Variants in ZBED6 observed in about 807,000 individuals in gnomAD.
ZBED6 encodes the protein zinc finger BED domain-containing protein 6.
A neutral mutation model predicts 58.4 loss-of-function variants in ZBED6; 40 were observed. That is an observed-to-expected ratio of 0.68 (90% CI 0.53 to 0.89). The LOEUF (loss-of-function observed/expected upper bound fraction) is 0.89, where lower values mean the gene tolerates loss of function less well. ZBED6 is among the 40% of genes least tolerant of loss of function. The pLI, the probability that ZBED6 is intolerant of heterozygous loss-of-function variation, is 0.00. For missense variants in ZBED6, 1,057 were observed against 1,003.9 expected (o/e 1.05, Z -0.71); for synonymous variants, 439 against 350.6 (o/e 1.25, Z -2.82).
chr1:203,829,013 G>A (rs17482792), intron 4 of ZBED6, among the ~76,000 whole-genome samples: 16,976 of 152,206 alleles, frequency 0.11, 1,180 homozygotes, highest in Non-Finnish European at 0.15. Flanking sequence ...CAGTTGCTAC[G>A]TGATTAAAAT....
chr1:203,833,757 TA>T, intron 8 of ZBED6, 33 bp from the exon 9 acceptor site: 1 of 1,591,492 alleles, frequency 6.3e-7, no homozygotes, highest in African/African-American at 1.4e-5. Context: ...AAAAATTGAC[TA>T]AGGATAGAGA....
chr1:203,840,640 T>TTTATTTA (rs1558136097), intron 11 of ZBED6, among the ~76,000 whole-genome samples: 13 of 141,216 alleles, frequency 9.2e-5, no homozygotes, highest in African/African-American at 2.1e-4. Flanking sequence ...TTATTTATTT[T>TTTATTTA]ATTTATTTTT....
intron 9 of ZBED6, among the ~76,000 whole-genome samples, chr1:203,834,678 C>T (rs766113869): frequency 9.8e-5 from 15 of 152,314 alleles, no homozygotes; most frequent in South Asian, 2.1e-4. Context: ...AAACGAGAGT[C>T]TTGCTCTGTC....
chr1:203,817,624 A>G (rs1173404911), intron 2 of ZBED6, among the ~76,000 whole-genome samples: 1 of 152,010 alleles, frequency 6.6e-6, no homozygotes, highest in Non-Finnish European at 1.5e-5. Context: ...ATCTTTGTCA[A>G]AACTTCTGTT....
intron 11 of ZBED6, among the ~76,000 whole-genome samples, chr1:203,845,389 A>G (rs1687613107): frequency 6.6e-6 from 1 of 152,212 alleles, no homozygotes; most frequent in African/African-American, 2.4e-5. Flanking sequence ...TTTATTAAAG[A>G]ACTTGAAGAA....
intron 11 of ZBED6, among the ~76,000 whole-genome samples, chr1:203,846,854 A>G (rs1336907262): frequency 2.0e-5 from 3 of 152,040 alleles, no homozygotes; most frequent in East Asian, 3.9e-4. Context: ...AATAGAAACA[A>G]TTAGCCGGGC....
chr1:203,840,428 C>T (rs1685740051), intron 11 of ZBED6, 54 bp downstream of exon 11: 1 of 1,551,046 alleles, frequency 6.4e-7, no homozygotes, highest in Admixed American at 1.9e-5. Flanking sequence ...CTGTAAGAGC[C>T]TTTGCTTTTT....
chr1:203,838,535 A>T (rs1685083217), intron 10 of ZBED6, among the ~76,000 whole-genome samples: 1 of 152,254 alleles, frequency 6.6e-6, no homozygotes, highest in South Asian at 2.1e-4. Flanking sequence ...GGTATGCTCA[A>T]GGAACTGCAT....
At chr1:203,821,851 T>G (rs1254771741) in intron 3 of ZBED6, among the ~76,000 whole-genome samples, 2 of 152,154 alleles carry the variant, frequency 1.3e-5, no homozygotes, top group South Asian at 2.1e-4. Context: ...TCCGCCTCAT[T>G]GGTTCACACC....
intron 3 of ZBED6, among the ~76,000 whole-genome samples, chr1:203,821,894 A>G (rs2102882158): frequency 6.6e-6 from 1 of 151,774 alleles, no homozygotes. Context: ...AGTAGCTGGG[A>G]TTACAGGTGC....
chr1:203,818,461 CCTTT>C, intron 2 of ZBED6, 105 bp from the exon 3 acceptor site: 5 of 1,432,528 alleles, frequency 3.5e-6, no homozygotes, highest in Non-Finnish European at 4.8e-6. Context: ...CCTTACCAGT[CCTTT>C]CTTACTCATT....
At chr1:203,844,574 A>G (rs1301471919) in intron 11 of ZBED6, among the ~76,000 whole-genome samples, 1 of 152,080 alleles carries the variant, frequency 6.6e-6, no homozygotes, top group East Asian at 1.9e-4. Flanking sequence ...TATCTTAAAT[A>G]TTGTTGTTTT....
Position 203,851,008 on chromosome 1 carries a change from A to C in ZBED6, c.*4806-49A>C, listed in dbSNP as rs749319665. The stretch of plus-strand genomic sequence containing the variant: ...CAGCAAAAGAAAATGAATATGCTCA[A>C]ATTAAAAAGCCTGACTCTCACTGAA... On this transcript the variant is annotated intron_variant, in intron 15 of 16. Coordinates refer to ENST00000550078, the Ensembl canonical transcript of ZBED6. 5.9e-5 allele frequency: 94 copies of C among 1,595,462 alleles called. 1 individual carries two copies. The South Asian group carries it at 1.0e-3, about 18-fold the overall frequency.
rs1214233144 is a variant in ZBED6 at position 203,838,138 on chromosome 1, G to A, written c.*3672+74G>A. 3 of 1,384,008 alleles carry A rather than the reference G, an allele frequency of 2.2e-6. No homozygotes were observed. The African/African-American group carries it at 4.3e-5, about 20-fold the overall frequency. The allele number at this position is 1,384,008 out of a possible 1,614,324, so 85.7% of individuals were successfully genotyped here. A position where few individuals can be genotyped will look rare whatever the true frequency, so the allele number is the denominator to read the frequency against. Reference sequence around the variant, plus strand: ...GTGTCTTGTAATGCTAACAGCTATGGTTTTTCATTCTTTTGTTCAGGTAAA... The same window carrying A: ...GTGTCTTGTAATGCTAACAGCTATGATTTTTCATTCTTTTGTTCAGGTAAA... On this transcript the variant is annotated intron_variant, in intron 10 of 16. Transcript: ENST00000550078.
Position 203,840,628 on chromosome 1 carries a change from A to ATTTATTTATTTAT in ZBED6, c.*3741+265_*3741+266insATTTTATTTATTT, listed in dbSNP as rs1436583566. Among the ~76,000 whole-genome samples the ATTTATTTATTTAT allele has an allele frequency of 3.9e-4, 59 of 150,866 alleles. No homozygotes were observed. In the South Asian group the frequency reaches 0.012, roughly 30 times the overall value. On this transcript the variant is annotated intron_variant, in intron 11 of 16. Coordinates refer to ENST00000550078, the Ensembl canonical transcript of ZBED6. ...AAATTATTTATTTATTTATTTATTT[A>ATTTATTTATTTAT]TTTATTTATTTTATTTATTTTTGAG...
chr1:203,799,725 A>G (rs1384492774), exon 1 of ZBED6: 1 of 742,864 alleles, frequency 1.3e-6, no homozygotes, highest in Non-Finnish European at 2.4e-6. Flanking sequence ...AGTCAGAGGT[A>G]TTACTCAGGC....
Position 203,847,522 on chromosome 1 carries a change from G to A in ZBED6, c.*4080G>A, listed in dbSNP as rs762233475. 1.9e-6 allele frequency: 3 copies of A among 1,613,932 alleles called. No homozygotes were observed. In the South Asian group the frequency reaches 3.3e-5, roughly 18 times the overall value. Reference sequence around the variant, plus strand: ...CAGAGGACAATCAGAGGAGCCTGCAGGTAAAACAAAGTCTATGCAGGAGGT... The same window carrying A: ...CAGAGGACAATCAGAGGAGCCTGCAAGTAAAACAAAGTCTATGCAGGAGGT... On this transcript the variant is annotated 3_prime_UTR_variant, in exon 12 of 17. Coordinates refer to ENST00000550078, the Ensembl canonical transcript of ZBED6.
At chr1:203,807,164 C>T (rs548086373) in intron 1 of ZBED6, among the ~76,000 whole-genome samples, 3 of 152,134 alleles carry the variant, frequency 2.0e-5, no homozygotes, top group Admixed American at 6.5e-5. Flanking sequence ...CATGAGCTAC[C>T]ATTCCTGACC....
chr1:203,798,410 G>A (rs892007134), exon 1 of ZBED6: 2 of 1,533,856 alleles, frequency 1.3e-6, no homozygotes, highest in Non-Finnish European at 8.7e-7. Flanking sequence ...GCCGGGGTAG[G>A]CCAGGGTCCC....
Sources: allele counts gnomAD v4.1 joint callset (sites outside exome capture counted in the v4.1 genomes callset), GRCh38; gene constraint gnomAD v4.1.1; transcripts MANE v1.5; gene names NCBI Gene and HGNC (gene_info 2026-07-23, HGNC 2026-07-21).